ANKDD1B: variants seen among roughly 807,000 people sequenced by gnomAD.
ANKDD1B encodes ankyrin repeat and death domain-containing protein 1B.
ANKDD1B carries 57 observed loss-of-function variants against 59.7 expected under a neutral mutation model. The ratio of observed to expected loss-of-function variants is 0.95; its 90% CI spans 0.77 to 1.19. ANKDD1B has a LOEUF of 1.19. ANKDD1B is among the 50% of genes most tolerant of loss of function. The probability of loss-of-function intolerance (pLI) is 0.00; values close to 1 mark genes in which losing one functional copy is unlikely to be tolerated. For missense variants in ANKDD1B, 602 were observed against 641.9 expected (o/e 0.94, Z 0.67); for synonymous variants, 216 against 239.5 (o/e 0.90, Z 0.91).
Position 75,611,606 on chromosome 5 carries a change from C to A in ANKDD1B, c.-29C>A. The A allele has an allele frequency of 8.1e-7, 1 of 1,229,966 alleles. No homozygotes were observed. Among genetic ancestry groups the A allele is most frequent in the South Asian group, 4.1e-5 (1 of 24,222 alleles). 76.2% of individuals were successfully genotyped at this position (1,229,966 alleles called of 1,614,324 possible). On this transcript the variant is annotated 5_prime_UTR_variant, in exon 1 of 14. Coordinates refer to ENST00000601380, the MANE Select transcript of ANKDD1B (RefSeq NM_001276713.2). ...GATCTGGGTCCGAGTCTGGGTCTGG[C>A]CCTGCGCTCAGGGCCCGCGGAGGAG...
intron 7 of ANKDD1B, among the ~76,000 whole-genome samples, chr5:75,650,684 T>C (rs1774806983): frequency 6.6e-6 from 1 of 152,226 alleles, no homozygotes; most frequent in Non-Finnish European, 1.5e-5. Flanking sequence ...TCATGCAAGC[T>C]AGATTTCAGT....
At chr5:75,617,521 A>G (rs1477470345) in intron 2 of ANKDD1B, among the ~76,000 whole-genome samples, 1 of 152,152 alleles carries the variant, frequency 6.6e-6, no homozygotes, top group Admixed American at 6.5e-5. Context: ...GGATTTCCTG[A>G]TAGTCCTTTG....
intron 9 of ANKDD1B, among the ~76,000 whole-genome samples, chr5:75,658,688 T>A (rs1389740642): frequency 6.6e-6 from 1 of 152,226 alleles, no homozygotes; most frequent in African/African-American, 2.4e-5. Flanking sequence ...TTTCATTAAA[T>A]CAAGCTCAAC....
intron 11 of ANKDD1B, among the ~76,000 whole-genome samples, chr5:75,666,422 C>G (rs1332465230): frequency 6.6e-6 from 1 of 151,966 alleles, no homozygotes; most frequent in African/African-American, 2.4e-5. Context: ...CATCAAATAC[C>G]CAAAAGAAGA....
At chr5:75,616,725 C>T (rs1205531381) in intron 1 of ANKDD1B, 79 bp from the exon 2 acceptor site, 2 of 574,656 alleles carry the variant, frequency 3.5e-6, no homozygotes, top group African/African-American at 1.9e-5. Flanking sequence ...GCTGTTGTTA[C>T]AAGGTTTGCC....
chr5:75,611,793 A>G lies in ANKDD1B; in HGVS notation c.159A>G (p.Gly53=). The change falls in exon 1 of 14, where the codon GGA becomes GGG. Residue 53 remains glycine, a synonymous_variant. Transcript: ENST00000601380. ...GGATCCCGAAGCGGGAGGGTCTTGG[A>G]GAGGAGGACACAGCAGTTGCCGGAC... The part of the protein sequence containing the change: ...LSRIPKREGL[G]EEDTAVAGHE... 8.1e-7 allele frequency: 1 copy of G among 1,232,016 alleles called. No homozygotes were observed. Among genetic ancestry groups the G allele is most frequent in the Non-Finnish European group, 1.0e-6 (1 of 988,162 alleles). The allele number at this position is 1,232,016 out of a possible 1,614,324, so 76.3% of individuals were successfully genotyped here. A position where few individuals can be genotyped will look rare whatever the true frequency, so the allele number is the denominator to read the frequency against.
chr5:75,613,802 A>G (rs908877989), intron 1 of ANKDD1B, among the ~76,000 whole-genome samples: 6 of 151,942 alleles, frequency 3.9e-5, no homozygotes, highest in African/African-American at 1.5e-4. Context: ...GCAATAAATG[A>G]CTCCTACATC....
intron 2 of ANKDD1B, among the ~76,000 whole-genome samples, chr5:75,618,267 C>T (rs374414982): frequency 6.6e-6 from 1 of 152,104 alleles, no homozygotes; most frequent in Non-Finnish European, 1.5e-5. Context: ...TTATTATGAC[C>T]GTGGAAGGTT....
At chr5:75,656,352 A>C (rs1774974903) in intron 9 of ANKDD1B, among the ~76,000 whole-genome samples, 1 of 152,198 alleles carries the variant, frequency 6.6e-6, no homozygotes, top group African/African-American at 2.4e-5. Context: ...TTGCGTGATT[A>C]AATCCTTCAT....
chr5:75,627,353 AT>A (rs1774021799), intron 5 of ANKDD1B, among the ~76,000 whole-genome samples: 1 of 152,188 alleles, frequency 6.6e-6, no homozygotes, highest in Non-Finnish European at 1.5e-5. Flanking sequence ...CCTCAATCTT[AT>A]GTAAAAGTAC....
chr5:75,660,404 A>G (rs150492583), intron 10 of ANKDD1B, among the ~76,000 whole-genome samples: 57 of 152,368 alleles, frequency 3.7e-4, no homozygotes, highest in African/African-American at 1.3e-3. Flanking sequence ...AGGTTTATCT[A>G]TGTTGTAGCA....
intron 13 of ANKDD1B, among the ~76,000 whole-genome samples, chr5:75,669,735 A>G (rs906503915): frequency 1.3e-5 from 2 of 152,188 alleles, no homozygotes; most frequent in African/African-American, 2.4e-5. Flanking sequence ...CACGACTAAG[A>G]GTTGTCTTGC....
Position 75,634,933 on chromosome 5 carries a change from G to T in ANKDD1B, c.636G>T (p.Arg212Ser). Residue 212 changes from arginine (R) to serine (S), a missense_variant, in exon 6 of 14, where the codon AGG (arginine) becomes AGT (serine). Transcript: ENST00000601380. ...AACCATTTCTTTTGGCAGCTGAGAG[G>T]GGCCATGTTGAAATGATAGAAAAAC... ...GRKPFLLAAE[R>S]GHVEMIEKLT... The T allele has an allele frequency of 1.3e-6, 2 of 1,535,650 alleles. No homozygotes were observed. Among genetic ancestry groups the T allele is most frequent in the African/African-American group, 1.4e-5 (1 of 73,130 alleles).
At chr5:75,664,200 A>T (rs960388904) in intron 11 of ANKDD1B, among the ~76,000 whole-genome samples, 2 of 152,302 alleles carry the variant, frequency 1.3e-5, no homozygotes, top group Admixed American at 6.5e-5. Flanking sequence ...AATCACTTGG[A>T]GCCCACCCTG....
Position 75,656,053 on chromosome 5 carries a change from GT to G in ANKDD1B, c.924del (p.Val309LeufsTer9). 6.6e-7 allele frequency: 1 copy of G among 1,514,900 alleles called. No individual in the cohort carries two copies. Among genetic ancestry groups the G allele is most frequent in the South Asian group, 1.2e-5 (1 of 83,338 alleles). 93.8% of individuals were successfully genotyped at this position (1,514,900 alleles called of 1,614,324 possible). ...VEPKESPLHL[V>X]VINNHITVVN... ...GCCTAAGGAGTCCCCTCTTCATTTA[GT>G]TGTTATCAACAACCACATCACGGTT... On this transcript the variant is annotated frameshift_variant, in exon 9 of 14. Coordinates refer to ENST00000601380, the MANE Select transcript of ANKDD1B (RefSeq NM_001276713.2). LOFTEE classifies it high-confidence loss of function.
chr5:75,645,159 A>G (rs1482586154), intron 7 of ANKDD1B, among the ~76,000 whole-genome samples: 1 of 90,216 alleles, frequency 1.1e-5, no homozygotes, highest in Admixed American at 1.1e-4. Flanking sequence ...AAGATCCAAA[A>G]TTGACACCCT....
intron 5 of ANKDD1B, among the ~76,000 whole-genome samples, chr5:75,631,019 G>A (rs1277305366): frequency 2.6e-5 from 4 of 152,176 alleles, no homozygotes; most frequent in Non-Finnish European, 5.9e-5. Flanking sequence ...CAATCACTGT[G>A]ACGACAGGGT....
At chr5:75,618,779 G>A (rs1467423259) in intron 2 of ANKDD1B, among the ~76,000 whole-genome samples, 2 of 152,058 alleles carry the variant, frequency 1.3e-5, no homozygotes, top group African/African-American at 4.8e-5. Flanking sequence ...GGAGTCTTGT[G>A]CTGTCACCGA....
At position 75,661,414 on chromosome 5, in the gene ANKDD1B, A is replaced by AAAAAAAAAAAAAAAAAAAAAAAAAG. The variant is rs1471501853; in HGVS notation, c.1096-1969_1096-1968insAAAAAAAAAAAAAGAAAAAAAAAAA. Among the ~76,000 whole-genome samples, 216 of 131,448 alleles carry AAAAAAAAAAAAAAAAAAAAAAAAAG rather than the reference A, an allele frequency of 1.6e-3. 9 individuals are homozygous for AAAAAAAAAAAAAAAAAAAAAAAAAG. The highest frequency in any genetic ancestry group is 3.7e-3 in the African/African-American group (105 of 28,620). 86.2% of individuals were successfully genotyped at this position (131,448 alleles called of 152,430 possible). ...TCCGTCTGAAAAAAAAAAAAAAAAA[A>AAAAAAAAAAAAAAAAAAAAAAAAAG]AAAAAAAAAAAGTAACACAGGCCCA... On this transcript the variant is annotated intron_variant, in intron 10 of 13. Transcript: ENST00000601380.
Sources: gnomAD v4.1 joint callset for allele counts (sites outside exome capture counted in the v4.1 genomes callset) on GRCh38, gnomAD v4.1.1 for gene constraint, MANE v1.5 for transcripts, NCBI Gene and HGNC (gene_info 2026-07-23, HGNC 2026-07-21) for gene names.